Variants in ITGA11 observed in about 807,000 individuals in gnomAD.
The protein encoded by ITGA11 is integrin subunit alpha 11, also known as integrin alpha-11.
ITGA11 carries 97 observed loss-of-function variants against 141.9 expected under a neutral mutation model. The ratio of observed to expected loss-of-function variants is 0.68; its 90% confidence interval spans 0.58 to 0.81. The LOEUF is 0.81. ITGA11 is among the 30% of genes least tolerant of loss of function. ITGA11 has a pLI of 0.00. For missense variants in ITGA11, 1,387 were observed against 1,559.2 expected, an observed-to-expected ratio of 0.89 and a Z score of 1.86; for synonymous variants, 658 against 624.6, an observed-to-expected ratio of 1.05 and a Z score of -0.80.
chr15:68,362,255 T>C (rs1393714294), intron 4 of ITGA11, among the ~76,000 whole-genome samples: 1 of 152,242 alleles, frequency 6.6e-6, no homozygotes, highest in Non-Finnish European at 1.5e-5. Flanking sequence ...ATTGAAGGAC[T>C]GAGTGAAGGG....
chr15:68,352,133 C>G (rs1281726331), intron 7 of ITGA11, among the ~76,000 whole-genome samples: 1 of 151,220 alleles, frequency 6.6e-6, no homozygotes, highest in East Asian at 2.0e-4. Context: ...CCATTGATGT[C>G]CAGGCCTCAG....
Position 68,325,937 on chromosome 15 carries a change from GCCC to G in ITGA11, c.2212-699_2212-697del, listed in dbSNP as rs1423348191. Among the ~76,000 whole-genome samples, 7 of 152,224 alleles carry G rather than the reference GCCC, an allele frequency of 4.6e-5. No individual in the cohort carries two copies. The highest frequency in any genetic ancestry group is 7.2e-5 in the African/African-American group (3 of 41,460). On this transcript the variant is annotated intron_variant, in intron 17 of 29. Transcript: ENST00000315757. This position sits in a 1 kb window ranked among gnomAD's most constrained non-coding sequence, Gnocchi z 5.5. ...ACACAGGGTGCTGGCGCCAGCCCCA[GCCC>G]CAGCCCCAGAGTTTCTGAGTCAGAA... is the stretch of plus-strand genomic sequence containing the variant.
At chr15:68,397,538 AAAT>A (rs1298652075) in intron 2 of ITGA11, among the ~76,000 whole-genome samples, 1 of 41,506 alleles carries the variant, frequency 2.4e-5, no homozygotes, top group African/African-American at 1.3e-4. Context: ...AAAATATTTA[AAAT>A]ATTATATTTA....
At chr15:68,374,485 G>A (rs1895677815) in intron 2 of ITGA11, among the ~76,000 whole-genome samples, 1 of 152,192 alleles carries the variant, frequency 6.6e-6, no homozygotes, top group South Asian at 2.1e-4. Flanking sequence ...ACAGGCAGTG[G>A]CAGAGCTGGA....
rs1300130611 is a variant in ITGA11, at chr15:68,311,085, A to G, written c.3088-5T>C. ...GATGTTACAGGACGTGTTCGCCTAC[A>G]TAAAGGACATGGACACACACACACA... On this transcript the variant is annotated splice_polypyrimidine_tract_variant and splice_region_variant and intron_variant, in intron 25 of 29. Coordinates refer to ENST00000315757, the MANE Select transcript of ITGA11 (RefSeq NM_001004439.2). 17 of 1,601,528 alleles carry G rather than the reference A, an allele frequency of 1.1e-5. No homozygotes were observed. The highest frequency in any genetic ancestry group is 1.3e-5 in the Non-Finnish European group (15 of 1,172,462).
At chr15:68,351,124 G>GATGAA in intron 8 of ITGA11, 134 bp downstream of exon 8, 1 of 926,766 alleles carries the variant, frequency 1.1e-6, no homozygotes, top group South Asian at 1.7e-5. Flanking sequence ...TTGTTCAGAA[G>GATGAA]ATGAAATGGG....
intron 1 of ITGA11, among the ~76,000 whole-genome samples, chr15:68,431,051 G>A (rs964842725): frequency 6.6e-6 from 1 of 152,254 alleles, no homozygotes; most frequent in Non-Finnish European, 1.5e-5. Flanking sequence ...GCCAGTAACC[G>A]AGGCGCTGGC....
rs143218415 is a variant in ITGA11 at position 68,310,931 on chromosome 15, C to T, written c.3174+63G>A. The stretch of plus-strand genomic sequence containing the variant: ...ATTGGGTCGGGAGGGAAATGGCCCG[C>T]AGAGCACCGGCGGCACGCCTCTAAC... On this transcript the variant is annotated intron_variant, in intron 26 of 29. Coordinates refer to ENST00000315757, the MANE Select transcript of ITGA11 (RefSeq NM_001004439.2). 3.3e-3 allele frequency: 4,346 copies of T among 1,298,060 alleles called. 8 individuals are homozygous for T. Among genetic ancestry groups the T allele is most frequent in the Non-Finnish European group, 4.3e-3 (3,936 of 917,496 alleles). 80.4% of individuals were successfully genotyped at this position (1,298,060 alleles called of 1,614,324 possible).
chr15:68,325,305 G>A lies in ITGA11; in HGVS notation c.2212-64C>T, dbSNP rs781291972. On this transcript the variant is annotated intron_variant, in intron 17 of 29. Transcript: ENST00000315757. The surrounding 1 kb of genome is among the most constrained non-coding windows in gnomAD (Gnocchi z 5.5). Reference sequence around the variant, plus strand: ...GAACGTCATTTTATGAGCCAGGACCGTGGATGCTGAGATAGAACTTCCACC... The same window carrying A: ...GAACGTCATTTTATGAGCCAGGACCATGGATGCTGAGATAGAACTTCCACC... 6.8e-5 allele frequency: 76 copies of A among 1,125,220 alleles called. No individual in the cohort carries two copies. The highest frequency in any genetic ancestry group is 9.5e-5 in the East Asian group (4 of 42,282). 69.7% of individuals were successfully genotyped at this position (1,125,220 alleles called of 1,614,324 possible).
At chr15:68,411,767 T>A (rs1390144853) in intron 1 of ITGA11, among the ~76,000 whole-genome samples, 1 of 152,214 alleles carries the variant, frequency 6.6e-6, no homozygotes, top group African/African-American at 2.4e-5. Flanking sequence ...ACCTTGACTT[T>A]GGGCTAGGCC....
intron 18 of ITGA11, among the ~76,000 whole-genome samples, chr15:68,323,909 T>C (rs1309549841): frequency 6.6e-6 from 1 of 152,178 alleles, no homozygotes; most frequent in Non-Finnish European, 1.5e-5. Context: ...ATTACCACCT[T>C]GCACGGAGAT....
chr15:68,316,472 G>A (rs1246408843), intron 21 of ITGA11, among the ~76,000 whole-genome samples: 2 of 152,238 alleles, frequency 1.3e-5, no homozygotes, highest in Non-Finnish European at 2.9e-5. Flanking sequence ...GTGGCTGGGC[G>A]TGGGTGGGGA....
intron 2 of ITGA11, among the ~76,000 whole-genome samples, chr15:68,369,690 A>C (rs1895528938): frequency 6.6e-6 from 1 of 152,254 alleles, no homozygotes; most frequent in African/African-American, 2.4e-5. Context: ...TTCTGGAGCC[A>C]CAGAGTCTTG....
intron 1 of ITGA11, among the ~76,000 whole-genome samples, chr15:68,428,354 G>A (rs2140446285): frequency 6.6e-6 from 1 of 152,268 alleles, no homozygotes; most frequent in Middle Eastern, 3.4e-3. Context: ...GGTTCAGAGA[G>A]GGCAAGGTTG....
intron 2 of ITGA11, among the ~76,000 whole-genome samples, chr15:68,383,762 C>T (rs147881482): frequency 9.6e-4 from 146 of 152,284 alleles, no homozygotes; most frequent in African/African-American, 3.4e-3. Context: ...TATTCTCCAC[C>T]TCATGTGGAA....
intron 1 of ITGA11, among the ~76,000 whole-genome samples, chr15:68,412,955 C>T (rs554243060): frequency 2.6e-5 from 4 of 152,068 alleles, no homozygotes; most frequent in Admixed American, 6.5e-5. Flanking sequence ...GGATTACAGG[C>T]GTGAGCCACT....
In ITGA11 at chr15:68,307,188, T is replaced by G. The variant is rs948010088; in HGVS notation, c.3381+160A>C. Among the ~76,000 whole-genome samples, 1 of 152,236 alleles carries G rather than the reference T, an allele frequency of 6.6e-6. No individual in the cohort carries two copies. The highest frequency in any genetic ancestry group is 2.4e-5 in the African/African-American group (1 of 41,464). On this transcript the variant is annotated intron_variant, in intron 28 of 29. Transcript: ENST00000315757. This position sits in a 1 kb window ranked among gnomAD's most constrained non-coding sequence, Gnocchi z 6.1. ...TGAGGCTTTGTCTTGCTTTTTTCCC[T>G]CTTTTCAGCGGCTGCCCTAACAGCC...
intron 7 of ITGA11, among the ~76,000 whole-genome samples, chr15:68,352,673 G>T (rs1215454721): frequency 6.6e-6 from 1 of 152,128 alleles, no homozygotes; most frequent in Non-Finnish European, 1.5e-5. Flanking sequence ...TTCTATTTTG[G>T]GAAACATTAA....
At chr15:68,364,855 A>G (rs1895367168) in intron 3 of ITGA11, 57 bp from the exon 4 acceptor site, 1 of 1,522,266 alleles carries the variant, frequency 6.6e-7, no homozygotes, top group Non-Finnish European at 9.1e-7. Context: ...CTCTGCCCAG[A>G]GCCTGCTGCT....
Sources: allele counts gnomAD v4.1 joint callset (sites outside exome capture counted in the v4.1 genomes callset), GRCh38; gene constraint gnomAD v4.1.1; non-coding constraint Gnocchi (gnomAD v3.1); transcripts MANE v1.5; gene names NCBI Gene and HGNC (gene_info 2026-07-23, HGNC 2026-07-21).